The following PLCB1 variants were observed in gnomAD, a reference collection of about 807,000 sequenced individuals.
PLCB1 encodes the protein 1-phosphatidylinositol 4,5-bisphosphate phosphodiesterase beta-1.
Under a neutral mutation model 161.8 loss-of-function variants are expected in PLCB1, and 46 were observed. The ratio of observed to expected loss-of-function variants is 0.28; its 90% CI spans 0.22 to 0.36. The LOEUF (loss-of-function observed/expected upper bound fraction) is 0.36, where lower values mean the gene tolerates loss of function less well. Ranked by LOEUF, PLCB1 falls within the 10% of genes least tolerant of loss-of-function variation. PLCB1 has a pLI of 1.00. For missense variants in PLCB1, 1,016 were observed against 1,472.5 expected (o/e 0.69, Z 5.07); for synonymous variants, 517 against 503.7 (o/e 1.03, Z -0.35).
chr20:8,272,644 A>T (rs1982342418), intron 2 of PLCB1, among the ~76,000 whole-genome samples: 1 of 152,124 alleles, frequency 6.6e-6, no homozygotes, highest in Non-Finnish European at 1.5e-5. Flanking sequence ...CCAGTTTCCC[A>T]GGTTGTTTTC....
rs146004168 is a variant in PLCB1, at chr20:8,358,999, A to T, written c.178-12383A>T. Among the ~76,000 whole-genome samples the T allele has an allele frequency of 2.6e-5, 4 of 152,332 alleles. No individual in the cohort carries two copies. In the East Asian group the frequency reaches 7.7e-4, roughly 29 times the overall value. On this transcript the variant is annotated intron_variant, in intron 2 of 31. Transcript: ENST00000338037. ...TCAAGGATGTGTTGGAAGAAGACAG[A>T]TGTCTTCTATTAGTTGTTCTTCTGT...
At chr20:8,307,222 G>A (rs1390894389) in intron 2 of PLCB1, among the ~76,000 whole-genome samples, 12 of 152,236 alleles carry the variant, frequency 7.9e-5, no homozygotes, top group East Asian at 1.9e-4. Context: ...GCATGGGCAC[G>A]TGTGGGTGCA....
At chr20:8,362,116 A>G (rs1388162852) in intron 2 of PLCB1, among the ~76,000 whole-genome samples, 2 of 152,154 alleles carry the variant, frequency 1.3e-5, no homozygotes, top group Non-Finnish European at 1.5e-5. Context: ...TTCTTCATCC[A>G]TAAAGATGTG....
chr20:8,378,905 G>C (rs574225061), intron 3 of PLCB1, among the ~76,000 whole-genome samples: 13 of 152,176 alleles, frequency 8.5e-5, no homozygotes, highest in Middle Eastern at 3.4e-3. Context: ...GACTTTCTTT[G>C]CTCATTCATA....
intron 1 of PLCB1, among the ~76,000 whole-genome samples, chr20:8,134,942 C>T (rs539199382): frequency 6.6e-6 from 1 of 152,010 alleles, no homozygotes; most frequent in Non-Finnish European, 1.5e-5. Flanking sequence ...CTTGCAGGCT[C>T]TTTGGTTCTC....
intron 2 of PLCB1, among the ~76,000 whole-genome samples, chr20:8,211,071 C>T (rs540043817): frequency 2.0e-5 from 3 of 152,180 alleles, no homozygotes; most frequent in East Asian, 1.9e-4. Context: ...GCACTCTGAG[C>T]GTGTGTATGA....
intron 23 of PLCB1, among the ~76,000 whole-genome samples, chr20:8,748,968 G>A (rs1032685429): frequency 2.0e-5 from 3 of 151,880 alleles, no homozygotes; most frequent in African/African-American, 2.4e-5. Flanking sequence ...TTTTTTCAAC[G>A]TGCATACAGA....
At chr20:8,222,885 A>G (rs1363242365) in intron 2 of PLCB1, among the ~76,000 whole-genome samples, 2 of 152,156 alleles carry the variant, frequency 1.3e-5, no homozygotes, top group East Asian at 1.9e-4. Context: ...CAGCTATTCA[A>G]CAAATGTGTA....
chr20:8,496,329 C>CAAAA (rs71331309), intron 3 of PLCB1, among the ~76,000 whole-genome samples: 1,201 of 91,914 alleles, frequency 0.013, 15 homozygotes, highest in African/African-American at 0.031. Flanking sequence ...CCCATCTCTG[C>CAAAA]AAAAAAAAAA....
At chr20:8,655,493 G>A (rs1002095727) in intron 7 of PLCB1, among the ~76,000 whole-genome samples, 3 of 152,208 alleles carry the variant, frequency 2.0e-5, no homozygotes, top group South Asian at 4.1e-4. Context: ...TGCAAGGTGT[G>A]ATGTGTGCAC....
Position 8,741,573 on chromosome 20 carries a change from G to A in PLCB1, c.2523G>A (p.Glu841=), listed in dbSNP as rs1160476192. 3 of 1,596,072 alleles carry A rather than the reference G, an allele frequency of 1.9e-6. No homozygotes were observed. Among genetic ancestry groups the A allele is most frequent in the Non-Finnish European group, 2.6e-6 (3 of 1,163,962 alleles). ...AAGATGAAGAAGAAGTAAAGAAAGA[G>A]GTGAGAGGGTGTTTTAATTTTACAT... ...TLEDEEEVKK[E]ADPGETPSEA... The change falls in exon 23 of 32, where the codon GAG becomes GAA. Residue 841 remains glutamate, a splice_region_variant and synonymous_variant. Coordinates refer to ENST00000338037, the MANE Select transcript of PLCB1 (RefSeq NM_015192.4).
intron 16 of PLCB1, among the ~76,000 whole-genome samples, chr20:8,725,346 A>G (rs1039911088): frequency 6.6e-6 from 1 of 152,156 alleles, no homozygotes; most frequent in Non-Finnish European, 1.5e-5. Flanking sequence ...GGGTTCTTTT[A>G]TGAAAATGCC....
intron 3 of PLCB1, among the ~76,000 whole-genome samples, chr20:8,516,295 T>G (rs900380857): frequency 2.0e-5 from 3 of 152,136 alleles, no homozygotes; most frequent in Non-Finnish European, 2.9e-5. Flanking sequence ...GACAGCACAT[T>G]TCAAGCCTCC....
intron 3 of PLCB1, among the ~76,000 whole-genome samples, chr20:8,511,456 C>T (rs1983891923): frequency 6.6e-6 from 1 of 152,092 alleles, no homozygotes; most frequent in African/African-American, 2.4e-5. Context: ...CATATCTTGC[C>T]TGTTGTGAAT....
chr20:8,609,799 G>T (rs1421477684), intron 3 of PLCB1, among the ~76,000 whole-genome samples: 1 of 152,118 alleles, frequency 6.6e-6, no homozygotes, highest in East Asian at 1.9e-4. Flanking sequence ...ACAGGTGTCA[G>T]CCACCATGGC....
chr20:8,387,977 TAAAAAAA>T (rs1555802977), intron 3 of PLCB1, among the ~76,000 whole-genome samples: 18 of 126,782 alleles, frequency 1.4e-4, no homozygotes, highest in African/African-American at 5.4e-4. Context: ...CCACTTTTTT[TAAAAAAA>T]AAAAAAAAAA....
At chr20:8,184,216 G>C (rs1046858680) in intron 2 of PLCB1, among the ~76,000 whole-genome samples, 1 of 151,968 alleles carries the variant, frequency 6.6e-6, no homozygotes, top group African/African-American at 2.4e-5. Flanking sequence ...CTAGAATATA[G>C]GATGCATACT....
chr20:8,186,006 G>A (rs6055612), intron 2 of PLCB1, among the ~76,000 whole-genome samples: 58,081 of 152,006 alleles, frequency 0.38, 12,682 homozygotes, highest in African/African-American at 0.61. Flanking sequence ...AACGTTGTTA[G>A]TAGTATTCCA....
At chr20:8,313,926 A>T (rs1984522934) in intron 2 of PLCB1, among the ~76,000 whole-genome samples, 2 of 152,144 alleles carry the variant, frequency 1.3e-5, no homozygotes, top group Admixed American at 1.3e-4. Flanking sequence ...TCTGTATAAC[A>T]ATGTCTTGTT....
Sources: gnomAD v4.1 joint callset for allele counts (sites outside exome capture counted in the v4.1 genomes callset) on GRCh38, gnomAD v4.1.1 for gene constraint, MANE v1.5 for transcripts, NCBI Gene and HGNC (gene_info 2026-07-23, HGNC 2026-07-21) for gene names.